MYOF: variants seen among roughly 807,000 people sequenced by gnomAD.
MYOF encodes the protein fer-1-like 3, myoferlin.
Under a neutral mutation model 284.2 loss-of-function variants are expected in MYOF, and 244 were observed. The ratio of observed to expected loss-of-function variants is 0.86; its 90% confidence interval spans 0.77 to 0.95. MYOF has a LOEUF of 0.95. MYOF is among the 40% of genes least tolerant of loss of function. MYOF has a pLI of 0.00. For missense variants in MYOF, 2,496 were observed against 2,560.6 expected (o/e 0.97, Z 0.54); for synonymous variants, 904 against 919.7 (o/e 0.98, Z 0.31).
chr10:93,374,123 G>A (rs141634396), intron 23 of MYOF, among the ~76,000 whole-genome samples: 4,359 of 152,108 alleles, frequency 0.029, 190 homozygotes, highest in African/African-American at 0.1. Flanking sequence ...TTGGTTTTCT[G>A]TCCTTGTGAT....
intron 7 of MYOF, among the ~76,000 whole-genome samples, chr10:93,406,317 T>TATATATATATATATATATATATA (rs1554855587): frequency 1.2e-3 from 150 of 120,260 alleles, no homozygotes; most frequent in Non-Finnish European, 1.9e-3. Context: ...TATATATATA[T>TATATATATATATATATATATATA]TTGTTTTTAT....
intron 43 of MYOF, among the ~76,000 whole-genome samples, chr10:93,330,652 ATGTATGCTAGAGGGTGGGCTTTGGGCTC>A (rs1264451097): frequency 2.6e-4 from 40 of 152,256 alleles, no homozygotes; most frequent in African/African-American, 9.1e-4. Context: ...TGGGTGGGCG[ATGTATGCTAGAGGGTGGGCTTTGGGCTC>A]TGTATCTGCA....
intron 1 of MYOF, among the ~76,000 whole-genome samples, chr10:93,477,282 A>G (rs1252632689): frequency 6.6e-6 from 1 of 151,818 alleles, no homozygotes; most frequent in Non-Finnish European, 1.5e-5. Flanking sequence ...ACCTGAGGTC[A>G]GGAGTTCAAG....
chr10:93,396,067 C>A, intron 16 of MYOF, 75 bp downstream of exon 16: 2 of 1,158,616 alleles, frequency 1.7e-6, no homozygotes, highest in Non-Finnish European at 1.3e-6. Context: ...GAGGTGGCTA[C>A]CCCAGTTCAT....
At chr10:93,311,252 G>T (rs1842373009) in intron 51 of MYOF, among the ~76,000 whole-genome samples, 1 of 152,176 alleles carries the variant, frequency 6.6e-6, no homozygotes, top group Middle Eastern at 3.4e-3. Flanking sequence ...CCCTACAAAG[G>T]TACTATTATT....
rs142867344 is a variant in MYOF at position 93,321,114 on chromosome 10, G to A, written c.5457-1101C>T. Among the ~76,000 whole-genome samples the A allele has an allele frequency of 1.2e-4, 18 of 152,194 alleles. No homozygotes were observed. In the East Asian group the frequency reaches 1.5e-3, roughly 13 times the overall value. On this transcript the variant is annotated intron_variant, in intron 48 of 53. Coordinates refer to ENST00000359263, the MANE Select transcript of MYOF (RefSeq NM_013451.4). ...TTATTTTATTCTTCCCAACAACTGC[G>A]TAACTATCTCCATTTTGTGGAAGAG...
intron 25 of MYOF, 84 bp downstream of exon 25, chr10:93,369,561 T>C: frequency 6.3e-7 from 1 of 1,575,504 alleles, no homozygotes; most frequent in Non-Finnish European, 8.6e-7. Context: ...GTTTTTGGTA[T>C]GTAAATGTTT....
chr10:93,423,917 G>C (rs1039140169), intron 5 of MYOF, among the ~76,000 whole-genome samples: 2 of 152,024 alleles, frequency 1.3e-5, no homozygotes, highest in African/African-American at 4.8e-5. Flanking sequence ...TATCCTAGAG[G>C]GGAAAAAAGC....
At position 93,316,595 on chromosome 10, in the gene MYOF, C is replaced by G. The variant is rs75175587; in HGVS notation, c.5698+119G>C. On this transcript the variant is annotated intron_variant, in intron 50 of 53. Transcript: ENST00000359263. ...GCACTGGGTGTATCCCCTGTCCCCC[C>G]ACCAGGCCCCCATTACCAAAAAGTA... is the stretch of plus-strand genomic sequence containing the variant. 0.011 allele frequency: 9,733 copies of G among 876,144 alleles called. 541 individuals are homozygous for G. The African/African-American group carries it at 0.13, about 12-fold the overall frequency. 54.3% of individuals were successfully genotyped at this position (876,144 alleles called of 1,614,324 possible).
At chr10:93,407,717 G>T (rs1014146718) in intron 7 of MYOF, among the ~76,000 whole-genome samples, 1 of 134,450 alleles carries the variant, frequency 7.4e-6, no homozygotes, top group Non-Finnish European at 1.5e-5. Context: ...CAGCCTGGGC[G>T]ACAGAGCCAG....
At chr10:93,357,576 G>T (rs74150210) in intron 29 of MYOF, among the ~76,000 whole-genome samples, 1 of 152,028 alleles carries the variant, frequency 6.6e-6, no homozygotes, top group African/African-American at 2.4e-5. Flanking sequence ...AAATATGACT[G>T]GATTTAATAA....
chr10:93,349,702 A>AT, intron 36 of MYOF, 106 bp downstream of exon 36: 1 of 1,339,506 alleles, frequency 7.5e-7, no homozygotes, highest in Non-Finnish European at 1.0e-6. Context: ...GGGTTTTTCT[A>AT]TTTGTCAGGT....
In MYOF at chr10:93,347,629, G is replaced by C. The variant is rs150283160; in HGVS notation, c.4237C>G (p.Pro1413Ala). Reference protein sequence around the residue: ...DPYAGKEDIVPQLKASLLSAP... With the variant: ...DPYAGKEDIVAQLKASLLSAP... ...CCTTGCATGTTACCTTTGAGCTGTG[G>C]GACGATGTCCTCTTTCCCTGCATAA... The change falls in exon 37 of 54, where the codon CCA (proline) becomes GCA (alanine). Residue 1413 changes from proline (P) to alanine (A), a missense_variant. Physicochemically the swap from Pro to Ala is conservative, Grantham distance 27. Around this residue, in one of 3 missense-constraint regions of MYOF, gnomAD observed 2,436 missense variants for 2,480.7 expected, o/e 0.98. Coordinates refer to ENST00000359263, the MANE Select transcript of MYOF (RefSeq NM_013451.4). The C allele has an allele frequency of 4.6e-4, 734 of 1,612,174 alleles. 5 individuals carry two copies. In the East Asian group the frequency reaches 0.014, roughly 30 times the overall value.
In MYOF at chr10:93,333,776, G is replaced by C; in HGVS notation, c.4701C>G (p.Pro1567=). 2.5e-6 allele frequency: 4 copies of C among 1,614,148 alleles called. No homozygotes were observed. Among genetic ancestry groups the C allele is most frequent in the Non-Finnish European group, 3.4e-6 (4 of 1,180,008 alleles). The part of the protein sequence containing the change: ...IYIVRGLELQ[P]QDNNGLCDPY... ...CTCTTACCAGGCCATTGTTGTCCTG[G>C]GGCTGGAGCTCTAAGCCTCGAACAA... The change falls in exon 42 of 54, where the codon CCC becomes CCG. Residue 1567 remains proline (P), a synonymous_variant. Transcript: ENST00000359263.
chr10:93,333,916 A>G lies in MYOF; in HGVS notation c.4564-3T>C, dbSNP rs1564626529. ...AGAGGGTAGATCCGAAAGGAGCCCT[A>G]AAAGAGAGAGACAGAAGGACTCACA... On this transcript the variant is annotated splice_region_variant and splice_polypyrimidine_tract_variant and intron_variant, in intron 41 of 53. Coordinates refer to ENST00000359263, the MANE Select transcript of MYOF (RefSeq NM_013451.4). 2.5e-6 allele frequency: 4 copies of G among 1,613,560 alleles called. No homozygotes were observed. The highest frequency in any genetic ancestry group is 3.4e-6 in the Non-Finnish European group (4 of 1,179,794).
Position 93,369,720 on chromosome 10 carries a change from G to A in MYOF, c.2514C>T (p.Ile838=), listed in dbSNP as rs762570926. Residue 838 remains isoleucine (I), a synonymous_variant, in exon 25 of 54, where the codon ATC becomes ATT. Coordinates refer to ENST00000359263, the MANE Select transcript of MYOF (RefSeq NM_013451.4). ...TCTCCACAGCACTTAAGCCTAGCCAGATGTTCACTCGCAACTCCACAGGCA... is the reference window on the plus strand; with the variant it reads ...TCTCCACAGCACTTAAGCCTAGCCAAATGTTCACTCGCAACTCCACAGGCA... ...PKVPVELRVN[I]WLGLSAVEKK... is the part of the protein sequence containing the mutation. The A allele has an allele frequency of 4.3e-6, 7 of 1,614,202 alleles. No homozygotes were observed. Among genetic ancestry groups the A allele is most frequent in the Middle Eastern group, 1.6e-4 (1 of 6,062 alleles).
At chr10:93,389,541 A>G (rs1450968253) in intron 17 of MYOF, among the ~76,000 whole-genome samples, 1 of 152,230 alleles carries the variant, frequency 6.6e-6, no homozygotes, top group Non-Finnish European at 1.5e-5. Context: ...TATTTTATGA[A>G]CTTTATTTGT....
intron 37 of MYOF, among the ~76,000 whole-genome samples, chr10:93,347,066 T>C (rs1316575252): frequency 1.3e-5 from 2 of 152,286 alleles, no homozygotes; most frequent in East Asian, 3.9e-4. Flanking sequence ...GAGGAATCCC[T>C]CGAGCATGCC....
At chr10:93,400,366 A>G (rs143859613) in intron 12 of MYOF, among the ~76,000 whole-genome samples, 24 of 127,898 alleles carry the variant, frequency 1.9e-4, no homozygotes, top group Admixed American at 4.4e-4. Flanking sequence ...TAGTCTTGCT[A>G]TGTTGCCCAG....
Sources: allele counts gnomAD v4.1 joint callset (sites outside exome capture counted in the v4.1 genomes callset), GRCh38; gene constraint gnomAD v4.1.1; regional missense constraint gnomAD v4.1.1; transcripts MANE v1.5; gene names NCBI Gene and HGNC (gene_info 2026-07-23, HGNC 2026-07-21).